SOCS6: variants seen among roughly 807,000 people sequenced by gnomAD.
SOCS6 encodes the protein STAT induced STAT inhibitor-4.
A neutral mutation model predicts 27.7 loss-of-function variants in SOCS6; 5 were observed. That is an observed-to-expected ratio of 0.18 (90% CI 0.09 to 0.38). The LOEUF is 0.38. SOCS6 is among the 10% of genes least tolerant of loss of function. The probability of loss-of-function intolerance (pLI) is 1.00; values close to 1 mark genes in which losing one functional copy is unlikely to be tolerated. For synonymous variants in SOCS6, 271 were observed against 260.0 expected (o/e 1.04, Z -0.41); for missense variants, 595 against 688.1 (o/e 0.86, Z 1.51).
chr18:70,314,076 C>G (rs2062401339), intron 1 of SOCS6: 1 of 151,986 alleles, frequency 6.6e-6, no homozygotes, highest in South Asian at 2.1e-4. Context: ...GTTTTCTTAT[C>G]TGCTTCTTAA....
At chr18:70,299,617 C>A (rs2062339547) in intron 1 of SOCS6, among the ~76,000 whole-genome samples, 1 of 152,106 alleles carries the variant, frequency 6.6e-6, no homozygotes, top group Non-Finnish European at 1.5e-5. Flanking sequence ...GGTGACCAGC[C>A]CCATCCAGAG....
In SOCS6 at chr18:70,326,516, G is replaced by A. The variant is rs1199639950; in HGVS notation, c.*240G>A. 6.1e-6 allele frequency: 3 copies of A among 494,982 alleles called. No homozygotes were observed. Among genetic ancestry groups the A allele is most frequent in the African/African-American group, 5.8e-5 (3 of 51,362 alleles). The allele number at this position is 494,982 out of a possible 1,614,324, so 30.7% of individuals were successfully genotyped here. On this transcript the variant is annotated 3_prime_UTR_variant, in exon 2 of 2. Transcript: ENST00000397942. Reference sequence around the variant, plus strand: ...GAGGTGTGAATTATGTTTCATCAATGTGCAGAATAATCACAATGTGAATTA... The same window carrying A: ...GAGGTGTGAATTATGTTTCATCAATATGCAGAATAATCACAATGTGAATTA...
chr18:70,303,434 A>G (rs543489716), intron 1 of SOCS6, among the ~76,000 whole-genome samples: 3 of 152,154 alleles, frequency 2.0e-5, no homozygotes, highest in Non-Finnish European at 4.4e-5. Flanking sequence ...TAAAAACAGC[A>G]TTATTGGGTC....
In SOCS6 at chr18:70,291,670, T is replaced by C. The variant is rs193077866; in HGVS notation, c.-127+2580T>C. Among the ~76,000 whole-genome samples the C allele has an allele frequency of 7.9e-4, 121 of 152,322 alleles. 1 individual carries two copies. The highest frequency in any genetic ancestry group is 2.8e-3 in the African/African-American group (117 of 41,564). On this transcript the variant is annotated intron_variant, in intron 1 of 1. Transcript: ENST00000397942. ...ATAAACCCACTGTGAGTTTTGACTT[T>C]AAGATATTTTCAATTTATCATGGGC...
intron 1 of SOCS6, among the ~76,000 whole-genome samples, chr18:70,307,961 G>A (rs1325807681): frequency 6.6e-6 from 1 of 152,156 alleles, no homozygotes; most frequent in Non-Finnish European, 1.5e-5. Context: ...ATTTAAAGCT[G>A]TACATTTTTT....
chr18:70,313,917 G>A (rs2062400508), intron 1 of SOCS6, among the ~76,000 whole-genome samples: 1 of 152,116 alleles, frequency 6.6e-6, no homozygotes, highest in African/African-American at 2.4e-5. Context: ...GACAGGATTG[G>A]ATTGTTTTAC....
intron 1 of SOCS6, among the ~76,000 whole-genome samples, chr18:70,301,508 C>A (rs1331310884): frequency 6.7e-6 from 1 of 149,292 alleles, no homozygotes. Context: ...AAGATTTAAA[C>A]CTGCAAGTGG....
chr18:70,320,353 CTAT>C (rs1415815757), intron 1 of SOCS6, among the ~76,000 whole-genome samples: 6 of 152,126 alleles, frequency 3.9e-5, no homozygotes, highest in South Asian at 4.1e-4. Context: ...CATTAAGAAA[CTAT>C]TATTCATTGA....
chr18:70,325,352 T>C lies in SOCS6; in HGVS notation c.684T>C (p.Asp228=), dbSNP rs1195016398. The C allele has an allele frequency of 3.7e-6, 6 of 1,614,124 alleles. No homozygotes were observed. The highest frequency in any genetic ancestry group is 5.1e-6 in the Non-Finnish European group (6 of 1,179,980). The change falls in exon 2 of 2, where the codon GAT becomes GAC. Residue 228 remains aspartate, a synonymous_variant. Transcript: ENST00000397942. This position sits in a 1 kb window ranked among gnomAD's most constrained non-coding sequence, Gnocchi z 6.3. ...ACATTCAGTATACTGTGCCTTTAGA[T>C]GAGGGGATGTATCCTTTGGAAGGAT... ...QDYIQYTVPL[D]EGMYPLEGSR...
In SOCS6 at chr18:70,312,190, C is replaced by T. The variant is rs544959119; in HGVS notation, c.-126-12353C>T. Reference sequence around the variant, plus strand: ...AGCCAGAATATAGTACGTGAACTTACGCAGTCTGGTTCCACAGTGCACAGT... The same window carrying T: ...AGCCAGAATATAGTACGTGAACTTATGCAGTCTGGTTCCACAGTGCACAGT... On this transcript the variant is annotated intron_variant, in intron 1 of 1. Coordinates refer to ENST00000397942, the MANE Select transcript of SOCS6 (RefSeq NM_004232.4). Among the ~76,000 whole-genome samples, 9 of 152,276 alleles carry T rather than the reference C, an allele frequency of 5.9e-5. No homozygotes were observed. The East Asian group carries it at 1.3e-3, about 23-fold the overall frequency.
At chr18:70,291,774 T>A (rs1278891829) in intron 1 of SOCS6, among the ~76,000 whole-genome samples, 1 of 152,206 alleles carries the variant, frequency 6.6e-6, no homozygotes, top group Non-Finnish European at 1.5e-5. Context: ...TATATTTACA[T>A]CTGTGGTGCC....
intron 1 of SOCS6, among the ~76,000 whole-genome samples, chr18:70,305,994 T>C (rs2062367655): frequency 6.6e-6 from 1 of 151,984 alleles, no homozygotes. Context: ...TCTCAGCACT[T>C]TGGGAGGCCA....
At chr18:70,309,516 AT>A (rs897891623) in intron 1 of SOCS6, among the ~76,000 whole-genome samples, 2 of 151,862 alleles carry the variant, frequency 1.3e-5, no homozygotes, top group African/African-American at 4.8e-5. Context: ...TTGACGTTTT[AT>A]TTTTTAAATA....
chr18:70,326,352 C>A lies in SOCS6; in HGVS notation c.*76C>A. 1 of 1,249,910 alleles carries A rather than the reference C, an allele frequency of 8.0e-7. No homozygotes were observed. Among genetic ancestry groups the A allele is most frequent in the Non-Finnish European group, 1.1e-6 (1 of 892,986 alleles). 77.4% of individuals were successfully genotyped at this position (1,249,910 alleles called of 1,614,324 possible). A position where few individuals can be genotyped will look rare whatever the true frequency, so the allele number is the denominator to read the frequency against. On this transcript the variant is annotated 3_prime_UTR_variant, in exon 2 of 2. Coordinates refer to ENST00000397942, the MANE Select transcript of SOCS6 (RefSeq NM_004232.4). ...AAATACAGTTTACAAACTTTCATTG[C>A]CATCAAAATCTTTTGCTGCCATAAC...
rs941180060 is a variant in SOCS6, at chr18:70,319,347, G to T, written c.-126-5196G>T. Among the ~76,000 whole-genome samples, 3 of 152,092 alleles carry T rather than the reference G, an allele frequency of 2.0e-5. No homozygotes were observed. In the East Asian group the frequency reaches 5.8e-4, roughly 29 times the overall value. On this transcript the variant is annotated intron_variant, in intron 1 of 1. Transcript: ENST00000397942. ...TACAACGCTATTAACTTTTTATGTG[G>T]ATTCTTTGCTTTATGTTAAAGTCTT...
At chr18:70,307,526 T>G (rs1388089735) in intron 1 of SOCS6, among the ~76,000 whole-genome samples, 2 of 152,238 alleles carry the variant, frequency 1.3e-5, no homozygotes, top group Non-Finnish European at 2.9e-5. Flanking sequence ...TCCTTACTCG[T>G]TATAGGTCTA....
At chr18:70,313,200 A>C (rs2062397595) in intron 1 of SOCS6, among the ~76,000 whole-genome samples, 1 of 151,774 alleles carries the variant, frequency 6.6e-6, no homozygotes. Context: ...CTTCCTTTTC[A>C]TCATTCTTTT....
chr18:70,294,126 A>G (rs2062312991), intron 1 of SOCS6, among the ~76,000 whole-genome samples: 1 of 152,016 alleles, frequency 6.6e-6, no homozygotes, highest in Non-Finnish European at 1.5e-5. Flanking sequence ...GAATGAGATA[A>G]TGCATGTTAG....
At chr18:70,297,509 A>G (rs145691485) in intron 1 of SOCS6, among the ~76,000 whole-genome samples, 50 of 152,328 alleles carry the variant, frequency 3.3e-4, no homozygotes, top group African/African-American at 1.1e-3. Flanking sequence ...ACTGAGTTCA[A>G]TTAACTTAGT....
Sources: gnomAD v4.1 joint callset for allele counts (sites outside exome capture counted in the v4.1 genomes callset) on GRCh38, gnomAD v4.1.1 for gene constraint, Gnocchi (gnomAD v3.1) non-coding constraint, MANE v1.5 for transcripts, NCBI Gene and HGNC (gene_info 2026-07-23, HGNC 2026-07-21) for gene names.